Variants in GPR39 observed in about 807,000 individuals in gnomAD.
The protein encoded by GPR39 is G protein-coupled receptor 39.
GPR39 carries 23 observed loss-of-function variants against 18.4 expected under a neutral mutation model. That is an observed-to-expected ratio of 1.25 (90% confidence interval 0.90 to 1.77). The LOEUF (loss-of-function observed/expected upper bound fraction) is 1.77. Among genes scored for constraint, GPR39 ranks in the 40% most tolerant of loss-of-function variants. The pLI is 0.00. For missense variants in GPR39, 647 were observed against 602.4 expected, an observed-to-expected ratio of 1.07 and a Z score of -0.78; for synonymous variants, 280 against 257.9, an observed-to-expected ratio of 1.09 and a Z score of -0.82.
intron 1 of GPR39, among the ~76,000 whole-genome samples, chr2:132,602,781 A>C (rs1398401490): frequency 1.3e-5 from 2 of 152,066 alleles, no homozygotes; most frequent in Non-Finnish European, 2.9e-5. Flanking sequence ...TAAGTATATG[A>C]AAAAAATTCA....
chr2:132,417,648 C>T lies in GPR39; in HGVS notation c.606C>T (p.Pro202=), dbSNP rs956853182. 2 of 1,614,152 alleles carry T rather than the reference C, an allele frequency of 1.2e-6. No individual in the cohort carries two copies. Among genetic ancestry groups the T allele is most frequent in the African/African-American group, 1.3e-5 (1 of 75,042 alleles). Residue 202 remains proline (P), a synonymous_variant, in exon 1 of 2, where the codon CCC becomes CCT. Transcript: ENST00000329321. ...CCAGCACCCGCCACCACGAGCAGCC[C>T]GAGACCTCCAATATGTCCATCTGTA... ...NRSSTRHHEQ[P]ETSNMSICTN...
At chr2:132,608,535 C>T (rs1681181064) in intron 1 of GPR39, among the ~76,000 whole-genome samples, 1 of 152,172 alleles carries the variant, frequency 6.6e-6, no homozygotes, top group African/African-American at 2.4e-5. Flanking sequence ...ACAGTCAAAG[C>T]CCGGCCTGCT....
intron 1 of GPR39, among the ~76,000 whole-genome samples, chr2:132,595,555 C>T (rs539174351): frequency 3.5e-4 from 54 of 152,174 alleles, no homozygotes; most frequent in African/African-American, 9.6e-4. Context: ...CCACTGGAGA[C>T]GACTCAGAGT....
chr2:132,588,522 G>GAATT (rs1177608459), intron 1 of GPR39, among the ~76,000 whole-genome samples: 1 of 152,186 alleles, frequency 6.6e-6, no homozygotes, highest in Non-Finnish European at 1.5e-5. Context: ...TGGGAGCCTA[G>GAATT]AATTATCTGG....
intron 1 of GPR39, among the ~76,000 whole-genome samples, chr2:132,490,042 C>T (rs1681426873): frequency 6.6e-6 from 1 of 151,816 alleles, no homozygotes. Context: ...TGCTCCTGTG[C>T]TCACCTGCTT....
chr2:132,555,862 AGT>A (rs1448276623), intron 1 of GPR39, among the ~76,000 whole-genome samples: 1 of 152,164 alleles, frequency 6.6e-6, no homozygotes, highest in Non-Finnish European at 1.5e-5. Context: ...AAGAGGTGAA[AGT>A]GTGTTTGTTT....
intron 1 of GPR39, among the ~76,000 whole-genome samples, chr2:132,497,254 C>T (rs548492577): frequency 2.0e-5 from 3 of 152,150 alleles, no homozygotes; most frequent in Non-Finnish European, 4.4e-5. Context: ...TGGGCATCCT[C>T]AAGCAACGGG....
chr2:132,527,314 C>T (rs144353930), intron 1 of GPR39, among the ~76,000 whole-genome samples: 1,874 of 152,276 alleles, frequency 0.012, 25 homozygotes, highest in Admixed American at 0.024. Flanking sequence ...TGTATATGTA[C>T]CACATTTTCT....
intron 1 of GPR39, among the ~76,000 whole-genome samples, chr2:132,420,026 A>G (rs1679978456): frequency 6.6e-6 from 1 of 152,222 alleles, no homozygotes; most frequent in Non-Finnish European, 1.5e-5. Context: ...TTAGAGATGG[A>G]TAGGACCTTG....
At chr2:132,545,641 C>T (rs560256160) in intron 1 of GPR39, among the ~76,000 whole-genome samples, 9 of 136,024 alleles carry the variant, frequency 6.6e-5, no homozygotes, top group South Asian at 2.5e-4. Context: ...TTATAATCCA[C>T]GATGTGTGAT....
intron 1 of GPR39, among the ~76,000 whole-genome samples, chr2:132,474,240 A>G (rs1681084701): frequency 6.6e-6 from 1 of 152,194 alleles, no homozygotes; most frequent in Admixed American, 6.5e-5. Flanking sequence ...TATTTTCTGC[A>G]TATCTCTGCA....
At chr2:132,590,662 A>G (rs1280273384) in intron 1 of GPR39, among the ~76,000 whole-genome samples, 1 of 152,180 alleles carries the variant, frequency 6.6e-6, no homozygotes, top group Non-Finnish European at 1.5e-5. Flanking sequence ...GTGGCACTCA[A>G]GCCTAAGCAC....
At chr2:132,536,040 A>G (rs1372465945) in intron 1 of GPR39, among the ~76,000 whole-genome samples, 1 of 140,800 alleles carries the variant, frequency 7.1e-6, no homozygotes, top group African/African-American at 2.6e-5. Flanking sequence ...GGATTATTTG[A>G]TTGTTTGAAA....
At chr2:132,590,651 A>G (rs1036790586) in intron 1 of GPR39, among the ~76,000 whole-genome samples, 3 of 152,178 alleles carry the variant, frequency 2.0e-5, no homozygotes, top group East Asian at 1.9e-4. Context: ...TTGCTTTAAC[A>G]GTGGCACTCA....
rs113794183 is a variant in GPR39, at chr2:132,420,117, C to A, written c.856+2219C>A. Among the ~76,000 whole-genome samples the A allele has an allele frequency of 6.8e-3, 1,031 of 152,286 alleles. 14 individuals carry two copies. The highest frequency in any genetic ancestry group is 0.023 in the African/African-American group (953 of 41,566). On this transcript the variant is annotated intron_variant, in intron 1 of 1. Transcript: ENST00000329321. ...TCTCGTTCTTTTCTTCTGGCTCTTT[C>A]CTTCTTTCCTATACCAACTGTATGT... is the stretch of plus-strand genomic sequence containing the variant.
chr2:132,571,035 C>T (rs7562954), intron 1 of GPR39, among the ~76,000 whole-genome samples: 18,576 of 152,110 alleles, frequency 0.12, 3,656 homozygotes, highest in African/African-American at 0.42. Context: ...TATGGGAGCT[C>T]GAACATGTTT....
chr2:132,643,433 A>G (rs1186666890), intron 1 of GPR39, among the ~76,000 whole-genome samples: 4 of 152,208 alleles, frequency 2.6e-5, no homozygotes, highest in Non-Finnish European at 5.9e-5. Flanking sequence ...GTCCCCTCCA[A>G]CAGCAGGCAA....
chr2:132,605,903 A>G (rs560138060), intron 1 of GPR39, among the ~76,000 whole-genome samples: 2 of 152,312 alleles, frequency 1.3e-5, no homozygotes, highest in African/African-American at 4.8e-5. Flanking sequence ...TTACAAACGT[A>G]TTCATGGGCT....
intron 1 of GPR39, among the ~76,000 whole-genome samples, chr2:132,507,567 C>T (rs1679157407): frequency 6.6e-6 from 1 of 152,178 alleles, no homozygotes; most frequent in Admixed American, 6.5e-5. Context: ...CCTCAGGAGT[C>T]TACATTGCAA....
Sources: allele counts gnomAD v4.1 joint callset (sites outside exome capture counted in the v4.1 genomes callset), GRCh38; gene constraint gnomAD v4.1.1; transcripts MANE v1.5; gene names NCBI Gene and HGNC (gene_info 2026-07-23, HGNC 2026-07-21).